Variants in PARD3B observed in about 807,000 individuals in gnomAD.
PARD3B encodes partitioning defective 3 homolog B.
Under a neutral mutation model 130.2 loss-of-function variants are expected in PARD3B, and 103 were observed. The ratio of observed to expected loss-of-function variants is 0.79; its 90% CI spans 0.67 to 0.93. The LOEUF is 0.93. Among genes scored for constraint, PARD3B ranks in the 40% least tolerant of loss-of-function variants. The probability of loss-of-function intolerance (pLI) is 0.00; values close to 1 mark genes in which losing one functional copy is unlikely to be tolerated. For missense variants in PARD3B, 1,609 were observed against 1,499.2 expected (o/e 1.07, Z -1.21); for synonymous variants, 583 against 553.2 (o/e 1.05, Z -0.76).
rs1005618437 is a variant in PARD3B, at chr2:204,967,584, G to A, written c.394+2261G>A. On this transcript the variant is annotated intron_variant, in intron 3 of 22. Coordinates refer to ENST00000406610, the MANE Select transcript of PARD3B (RefSeq NM_001302769.2). The surrounding 1 kb of genome is among the most constrained non-coding windows in gnomAD (Gnocchi z 4.4). The stretch of plus-strand genomic sequence containing the variant: ...CAGCAGGAGAAATTTGGGCAAGGAT[G>A]AATGACGTAAAAAAATCATCCCTTA... 2.0e-5 allele frequency among the ~76,000 whole-genome samples: 3 copies of A among 152,164 alleles called. No homozygotes were observed. Among genetic ancestry groups the A allele is most frequent in the Non-Finnish European group, 4.4e-5 (3 of 68,020 alleles).
intron 2 of PARD3B, among the ~76,000 whole-genome samples, chr2:204,694,548 C>G (rs565254711): frequency 6.6e-6 from 1 of 152,128 alleles, no homozygotes; most frequent in South Asian, 2.1e-4. Flanking sequence ...TTGAAGATTT[C>G]TAATTGACTA....
At chr2:204,787,969 T>G (rs2042068347) in intron 2 of PARD3B, among the ~76,000 whole-genome samples, 1 of 152,198 alleles carries the variant, frequency 6.6e-6, no homozygotes, top group African/African-American at 2.4e-5. Flanking sequence ...ATCTCTGCAC[T>G]TCCGTACAGT....
rs562249397 is a variant in PARD3B at position 205,256,458 on chromosome 2, G to A, written c.2185+10636G>A. Among the ~76,000 whole-genome samples, 5 of 152,216 alleles carry A rather than the reference G, an allele frequency of 3.3e-5. No homozygotes were observed. The East Asian group carries it at 5.8e-4, about 18-fold the overall frequency. On this transcript the variant is annotated intron_variant, in intron 16 of 22. Coordinates refer to ENST00000406610, the MANE Select transcript of PARD3B (RefSeq NM_001302769.2). ...AGTAGCAACAATAGGAATGCAAACA[G>A]TGACAATACCATGTGCTTATGTATA...
chr2:205,587,274 T>C (rs969404163), intron 22 of PARD3B, among the ~76,000 whole-genome samples: 3 of 152,210 alleles, frequency 2.0e-5, no homozygotes, highest in Non-Finnish European at 4.4e-5. Context: ...TAAGCCACAA[T>C]TATATTTGCG....
intron 4 of PARD3B, among the ~76,000 whole-genome samples, chr2:205,052,647 A>C (rs1219601369): frequency 6.6e-6 from 1 of 151,786 alleles, no homozygotes; most frequent in Non-Finnish European, 1.5e-5. Flanking sequence ...GGTTAGATTA[A>C]ATAATGTAGG....
At chr2:204,966,235 G>T (rs1002687681) in intron 3 of PARD3B, among the ~76,000 whole-genome samples, 1 of 152,144 alleles carries the variant, frequency 6.6e-6, no homozygotes, top group Non-Finnish European at 1.5e-5. Context: ...ATACTCTAAT[G>T]CTGACAATCC....
intron 19 of PARD3B, among the ~76,000 whole-genome samples, chr2:205,422,720 G>A (rs1574981135): frequency 2.6e-5 from 4 of 152,252 alleles, no homozygotes; most frequent in African/African-American, 9.6e-5. Context: ...TTTCAAACAT[G>A]AAGAGATTTC....
In PARD3B at chr2:205,458,587, A is replaced by T. The variant is rs2048349025; in HGVS notation, c.3044+17915A>T. On this transcript the variant is annotated intron_variant, in intron 20 of 22. Coordinates refer to ENST00000406610, the MANE Select transcript of PARD3B (RefSeq NM_001302769.2). The surrounding 1 kb of genome is among the most constrained non-coding windows in gnomAD (Gnocchi z 4.8). Reference sequence around the variant, plus strand: ...TTTACCCTGAGATGCTACTTCTCTGATGAAATTCTCCATCATATTATCTTT... The same window carrying T: ...TTTACCCTGAGATGCTACTTCTCTGTTGAAATTCTCCATCATATTATCTTT... 6.6e-6 allele frequency among the ~76,000 whole-genome samples: 1 copy of T among 152,160 alleles called. No homozygotes were observed. The highest frequency in any genetic ancestry group is 1.5e-5 in the Non-Finnish European group (1 of 68,020).
At position 205,591,258 on chromosome 2, in the gene PARD3B, T is replaced by C. The variant is rs1465719894; in HGVS notation, c.3261-24198T>C. ...TTTGTATAAGTTTTTTCAATGAACA[T>C]AGTCCATACATTTTGGGAAAGTGGT... is the stretch of plus-strand genomic sequence containing the variant. On this transcript the variant is annotated intron_variant, in intron 22 of 22. Transcript: ENST00000406610. The surrounding 1 kb of genome is among the most constrained non-coding windows in gnomAD (Gnocchi z 4.2). Among the ~76,000 whole-genome samples the C allele has an allele frequency of 6.6e-6, 1 of 152,178 alleles. No homozygotes were observed. The highest frequency in any genetic ancestry group is 2.4e-5 in the African/African-American group (1 of 41,442).
intron 4 of PARD3B, among the ~76,000 whole-genome samples, chr2:205,069,818 G>A (rs1280263076): frequency 6.6e-6 from 1 of 152,072 alleles, no homozygotes; most frequent in African/African-American, 2.4e-5. Flanking sequence ...AGATTTCCAG[G>A]TGTGAGGCAG....
chr2:205,541,385 G>A (rs1431226086), intron 21 of PARD3B, among the ~76,000 whole-genome samples: 1 of 124,542 alleles, frequency 8.0e-6, no homozygotes, highest in Non-Finnish European at 1.6e-5. Context: ...TTTCGCTCTT[G>A]TTGCCCAGGC....
intron 2 of PARD3B, among the ~76,000 whole-genome samples, chr2:204,938,740 T>C (rs931939162): frequency 6.6e-6 from 1 of 152,204 alleles, no homozygotes; most frequent in Non-Finnish European, 1.5e-5. Flanking sequence ...TTAAACATTC[T>C]TCAGATGATT....
At chr2:204,776,700 A>C (rs912342618) in intron 2 of PARD3B, among the ~76,000 whole-genome samples, 3 of 151,822 alleles carry the variant, frequency 2.0e-5, no homozygotes, top group Admixed American at 6.6e-5. Flanking sequence ...GCAGTTTGCT[A>C]ACTATTTGCC....
intron 3 of PARD3B, among the ~76,000 whole-genome samples, chr2:204,977,606 G>C (rs1263844494): frequency 6.6e-6 from 1 of 151,982 alleles, no homozygotes; most frequent in Non-Finnish European, 1.5e-5. Flanking sequence ...TCAGGAGATC[G>C]AGACCATCCT....
intron 2 of PARD3B, among the ~76,000 whole-genome samples, chr2:204,738,786 G>A (rs1351070679): frequency 2.6e-5 from 4 of 152,148 alleles, no homozygotes; most frequent in African/African-American, 9.7e-5. Flanking sequence ...ATCGGCAAAT[G>A]AGCAACATCT....
At chr2:205,212,527 GGGACACGT>G (rs1389412008) in intron 15 of PARD3B, among the ~76,000 whole-genome samples, 1 of 152,090 alleles carries the variant, frequency 6.6e-6, no homozygotes, top group African/African-American at 2.4e-5. Context: ...CCAACAAGCT[GGGACACGT>G]GGAGCAATGC....
Position 205,146,881 on chromosome 2 carries a change from A to T in PARD3B, c.1435-11841A>T, listed in dbSNP as rs956321835. Among the ~76,000 whole-genome samples, 2 of 151,472 alleles carry T rather than the reference A, an allele frequency of 1.3e-5. No individual in the cohort carries two copies. Among genetic ancestry groups the T allele is most frequent in the East Asian group, 4.0e-4 (2 of 5,052 alleles). On this transcript the variant is annotated intron_variant, in intron 10 of 22. Coordinates refer to ENST00000406610, the MANE Select transcript of PARD3B (RefSeq NM_001302769.2). This position sits in a 1 kb window ranked among gnomAD's most constrained non-coding sequence, Gnocchi z 4.3. ...TAGCTGGGATTATAGGACCCGGCTA[A>T]TTTTTTGTATTTTTAGTAGGAATGG...
At chr2:205,227,850 G>A (rs921589355) in intron 15 of PARD3B, among the ~76,000 whole-genome samples, 8 of 151,434 alleles carry the variant, frequency 5.3e-5, no homozygotes, top group South Asian at 2.1e-4. Flanking sequence ...TTGTATATCC[G>A]TTGTATGTTT....
rs184972006 is a variant in PARD3B, at chr2:205,467,847, T to G, written c.3044+27175T>G. Among the ~76,000 whole-genome samples, 293 of 152,368 alleles carry G rather than the reference T, an allele frequency of 1.9e-3. 1 individual carries two copies. The highest frequency in any genetic ancestry group is 6.6e-3 in the African/African-American group (275 of 41,598). On this transcript the variant is annotated intron_variant, in intron 20 of 22. Coordinates refer to ENST00000406610, the MANE Select transcript of PARD3B (RefSeq NM_001302769.2). The stretch of plus-strand genomic sequence containing the variant: ...ACATTTTCTTATGTTAAACCTGAAC[T>G]GCCACTAAACAAGCACCATTGTCTC...
Sources: gnomAD v4.1 joint callset for allele counts (sites outside exome capture counted in the v4.1 genomes callset) on GRCh38, gnomAD v4.1.1 for gene constraint, Gnocchi (gnomAD v3.1) non-coding constraint, MANE v1.5 for transcripts, NCBI Gene and HGNC (gene_info 2026-07-23, HGNC 2026-07-21) for gene names.